Variants in PCDH15 observed in about 807,000 individuals in gnomAD.
The protein encoded by PCDH15 is protocadherin related 15, also known as protocadherin-15.
PCDH15 carries 129 observed loss-of-function variants against 178.5 expected under a neutral mutation model. That is an observed-to-expected ratio of 0.72 (90% CI 0.63 to 0.84). PCDH15 has a LOEUF of 0.84. PCDH15 is among the 40% of genes least tolerant of loss of function. The probability of loss-of-function intolerance (pLI) is 0.00; values close to 1 mark genes in which losing one functional copy is unlikely to be tolerated. For synonymous variants in PCDH15, 800 were observed against 732.0 expected (o/e 1.09, Z -1.50); for missense variants, 2,230 against 2,099.9 (o/e 1.06, Z -1.21).
chr10:53,906,683 A>T (rs757099286), intron 25 of PCDH15, among the ~76,000 whole-genome samples: 6 of 152,226 alleles, frequency 3.9e-5, no homozygotes, highest in Non-Finnish European at 8.8e-5. Context: ...GGCTTTTGGT[A>T]CCACAAAATA....
intron 2 of PCDH15, among the ~76,000 whole-genome samples, chr10:55,117,145 T>C (rs1837646411): frequency 1.3e-5 from 2 of 152,198 alleles, no homozygotes; most frequent in Non-Finnish European, 2.9e-5. Flanking sequence ...GCTTTTCTCT[T>C]GTTAATCGAT....
At chr10:54,603,222 G>T (rs1470038983) in intron 2 of PCDH15, among the ~76,000 whole-genome samples, 1 of 151,798 alleles carries the variant, frequency 6.6e-6, no homozygotes, top group Non-Finnish European at 1.5e-5. Flanking sequence ...GACATCTGTT[G>T]TAATGTTTCC....
intron 20 of PCDH15, among the ~76,000 whole-genome samples, chr10:54,017,870 G>A (rs963247457): frequency 1.3e-5 from 2 of 151,918 alleles, no homozygotes; most frequent in Admixed American, 6.6e-5. Flanking sequence ...TGTGACTGAA[G>A]AATTATCTTA....
intron 3 of PCDH15, among the ~76,000 whole-genome samples, chr10:54,490,168 T>A (rs1247441423): frequency 1.3e-5 from 2 of 152,170 alleles, no homozygotes; most frequent in African/African-American, 4.8e-5. Context: ...AGTTAGCATA[T>A]GGCTGAGCAT....
Position 55,580,360 on chromosome 10 carries a change from A to ATT in PCDH15, c.-156+47263_-156+47264dup, listed in dbSNP as rs71017103. On this transcript the variant is annotated intron_variant, in intron 2 of 5. Coordinates refer to the PCDH15 transcript ENST00000613346. ...GCTTCTTCATTTTTTTTATTTTTTT[A>ATT]TTTTTTTTTTTTTTTGAGACGAAGT... 2.5e-4 allele frequency among the ~76,000 whole-genome samples: 33 copies of ATT among 131,608 alleles called. No homozygotes were observed. In the South Asian group the frequency reaches 2.9e-3, roughly 12 times the overall value. The allele number at this position is 131,608 out of a possible 152,430, so 86.3% of individuals were successfully genotyped here. A position where few individuals can be genotyped will look rare whatever the true frequency, so the allele number is the denominator to read the frequency against.
chr10:55,070,307 C>T (rs1302592577), intron 2 of PCDH15, among the ~76,000 whole-genome samples: 1 of 151,934 alleles, frequency 6.6e-6, no homozygotes, highest in Non-Finnish European at 1.5e-5. Flanking sequence ...TCAATTTTGG[C>T]TTTTGTTGCC....
intron 2 of PCDH15, among the ~76,000 whole-genome samples, chr10:54,940,799 TA>T (rs34669006): frequency 6.0e-5 from 9 of 150,956 alleles, no homozygotes; most frequent in East Asian, 3.9e-4. Flanking sequence ...CTGCGGTAAT[TA>T]AAAAAAAACT....
At chr10:53,909,755 AG>A (rs1305156850) in intron 25 of PCDH15, among the ~76,000 whole-genome samples, 1 of 152,190 alleles carries the variant, frequency 6.6e-6, no homozygotes, top group Non-Finnish European at 1.5e-5. Context: ...TTCCTAGCCA[AG>A]GGAAGTCATG....
At chr10:54,671,851 T>G (rs867393179) in intron 1 of PCDH15, among the ~76,000 whole-genome samples, 1 of 152,218 alleles carries the variant, frequency 6.6e-6, no homozygotes, top group Middle Eastern at 3.4e-3. Context: ...ATTCTATAGA[T>G]CAGGGGTTCA....
intron 2 of PCDH15, among the ~76,000 whole-genome samples, chr10:55,064,857 C>A (rs1841523040): frequency 6.6e-6 from 1 of 152,042 alleles, no homozygotes; most frequent in Admixed American, 6.6e-5. Flanking sequence ...AAACTATTAT[C>A]ATTTGAGACA....
chr10:55,495,159 A>G (rs1840503755), intron 2 of PCDH15, among the ~76,000 whole-genome samples: 1 of 151,774 alleles, frequency 6.6e-6, no homozygotes, highest in South Asian at 2.1e-4. Flanking sequence ...CTTACAGGAA[A>G]AAATAGGTGT....
At chr10:55,368,599 G>A (rs915330001) in intron 2 of PCDH15, among the ~76,000 whole-genome samples, 2 of 152,030 alleles carry the variant, frequency 1.3e-5, no homozygotes, top group African/African-American at 4.8e-5. Context: ...AGAGTTACTT[G>A]CCATTATTTA....
rs948205864 is a variant in PCDH15, at chr10:55,133,040, T to A, written c.-80+33536A>T. On this transcript the variant is annotated intron_variant, in intron 2 of 5. Coordinates refer to the PCDH15 transcript ENST00000458638. ...CACTCTTAGGAGATATTTTAGCACATGAGAAATGTGTGGACTTTGAAGACT... is the reference window on the plus strand; with the variant it reads ...CACTCTTAGGAGATATTTTAGCACAAGAGAAATGTGTGGACTTTGAAGACT... 1.4e-4 allele frequency among the ~76,000 whole-genome samples: 21 copies of A among 152,312 alleles called. No individual in the cohort carries two copies. The East Asian group carries it at 3.5e-3, about 25-fold the overall frequency.
At chr10:55,594,083 C>T (rs1842896332) in intron 2 of PCDH15, among the ~76,000 whole-genome samples, 1 of 151,866 alleles carries the variant, frequency 6.6e-6, no homozygotes, top group Admixed American at 6.6e-5. Context: ...CTATTCTTGT[C>T]AAATCCATGT....
chr10:55,027,890 T>C (rs1444877962), intron 2 of PCDH15, among the ~76,000 whole-genome samples: 2 of 151,896 alleles, frequency 1.3e-5, no homozygotes, highest in Non-Finnish European at 2.9e-5. Context: ...AATTATTAAG[T>C]GAATTTCTTC....
In PCDH15 at chr10:53,809,591, C is replaced by G. The variant is rs145153898; in HGVS notation, c.4671+965G>C. ...AATTGAAGTGTCAGCTTGGAGATAG[C>G]TATGGTATGACCTTGTCCCACGAAA... On this transcript the variant is annotated intron_variant, in intron 37 of 37. Transcript: ENST00000644397. 359 of 1,573,058 alleles carry G rather than the reference C, an allele frequency of 2.3e-4. No homozygotes were observed. In the East Asian group the frequency reaches 7.8e-3, roughly 34 times the overall value.
chr10:54,818,290 T>G (rs151212397), intron 3 of PCDH15, among the ~76,000 whole-genome samples: 1 of 152,062 alleles, frequency 6.6e-6, no homozygotes, highest in African/African-American at 2.4e-5. Flanking sequence ...TTAGGGCATA[T>G]TCAGTAAAAT....
intron 18 of PCDH15, among the ~76,000 whole-genome samples, chr10:54,034,901 G>A (rs1194865977): frequency 6.6e-6 from 1 of 151,848 alleles, no homozygotes; most frequent in Non-Finnish European, 1.5e-5. Flanking sequence ...ATTTTTAGAA[G>A]TTACAGATAT....
chr10:55,534,237 T>G (rs1339400510), intron 2 of PCDH15, among the ~76,000 whole-genome samples: 1 of 151,934 alleles, frequency 6.6e-6, no homozygotes, highest in Admixed American at 6.6e-5. Flanking sequence ...GGGACCTAAT[T>G]AAAGTGTTTT....
Sources: allele counts gnomAD v4.1 joint callset (sites outside exome capture counted in the v4.1 genomes callset), GRCh38; gene constraint gnomAD v4.1.1; transcripts MANE v1.5; gene names NCBI Gene and HGNC (gene_info 2026-07-23, HGNC 2026-07-21).